The following PDK1 variants were observed in gnomAD, a reference collection of about 807,000 sequenced individuals.
PDK1 encodes the protein pyruvate dehydrogenase kinase 1.
Under a neutral mutation model 54.2 loss-of-function variants are expected in PDK1, and 39 were observed. The ratio of observed to expected loss-of-function variants is 0.72; its 90% CI spans 0.56 to 0.94. The LOEUF is 0.94. PDK1 is among the 40% of genes least tolerant of loss of function. The pLI, the probability that PDK1 is intolerant of heterozygous loss-of-function variation, is 0.00. For synonymous variants in PDK1, 221 were observed against 207.1 expected (o/e 1.07, Z -0.58); for missense variants, 552 against 566.0 (o/e 0.98, Z 0.25).
At chr2:172,685,628 G>GCATTGCATACTATAATTGAT in the PDK1 span, among the ~76,000 whole-genome samples, 1 of 152,170 alleles carries the variant, frequency 6.6e-6, no homozygotes, top group Non-Finnish European at 1.5e-5. Context: ...TGAGTGTTTA[G>GCATTGCATACTATAATTGAT]CATTGCATAC....
At chr2:172,706,565 A>G in the PDK1 span, among the ~76,000 whole-genome samples, 3 of 151,980 alleles carry the variant, frequency 2.0e-5, no homozygotes, top group Non-Finnish European at 4.4e-5. Flanking sequence ...AGCTGGGACC[A>G]TGGGCATGTG....
At chr2:172,634,929 T>G in the PDK1 span, among the ~76,000 whole-genome samples, 3 of 152,238 alleles carry the variant, frequency 2.0e-5, no homozygotes, top group African/African-American at 7.2e-5. Context: ...ATGAAGGAAC[T>G]CTTTTCAGAA....
intron 10 of PDK1, 46 bp from the exon 11 acceptor site, chr2:172,595,783 T>G: frequency 1.9e-6 from 3 of 1,553,046 alleles, no homozygotes; most frequent in Non-Finnish European, 2.6e-6. Flanking sequence ...AATAATGAAT[T>G]CTAAAAAATG....
chr2:172,681,129 G>A, the PDK1 span, among the ~76,000 whole-genome samples: 2 of 152,112 alleles, frequency 1.3e-5, no homozygotes. Flanking sequence ...TTTCTCTTTG[G>A]GAACAGTTTG....
the PDK1 span, among the ~76,000 whole-genome samples, chr2:172,615,389 C>T: frequency 0.14 from 22,006 of 152,104 alleles, 1,803 homozygotes; most frequent in African/African-American, 0.2. Context: ...TTTGGGAGGC[C>T]GAGGCGGATG....
the PDK1 span, among the ~76,000 whole-genome samples, chr2:172,678,573 A>G: frequency 6.6e-6 from 1 of 152,168 alleles, no homozygotes; most frequent in East Asian, 1.9e-4. Context: ...ACATTGCCTA[A>G]TGCTTTTTGA....
chr2:172,668,938 GAAA>G, the PDK1 span, among the ~76,000 whole-genome samples: 12 of 128,092 alleles, frequency 9.4e-5, no homozygotes, highest in East Asian at 8.9e-4. Context: ...GAGAGAGAGA[GAAA>G]GAGAGAGAGA....
At chr2:172,577,534 CTTT>C (rs1689644896) in intron 8 of PDK1, among the ~76,000 whole-genome samples, 1 of 151,914 alleles carries the variant, frequency 6.6e-6, no homozygotes, top group Non-Finnish European at 1.5e-5. Context: ...TTATCACTGT[CTTT>C]TGTTAAAATA....
the PDK1 span, among the ~76,000 whole-genome samples, chr2:172,702,946 T>G: frequency 6.6e-6 from 1 of 152,110 alleles, no homozygotes; most frequent in Non-Finnish European, 1.5e-5. Flanking sequence ...CCCCAAAATA[T>G]CAGTTCCTAA....
At chr2:172,675,575 A>G in the PDK1 span, among the ~76,000 whole-genome samples, 5 of 152,206 alleles carry the variant, frequency 3.3e-5, no homozygotes, top group Admixed American at 6.5e-5. Context: ...CTTCAATTCT[A>G]TCAAGGCTGA....
At chr2:172,695,476 A>G in the PDK1 span, among the ~76,000 whole-genome samples, 2 of 152,282 alleles carry the variant, frequency 1.3e-5, no homozygotes, top group Non-Finnish European at 2.9e-5. Context: ...AGGCTAAATA[A>G]ATTACCTGTG....
chr2:172,699,783 C>T, the PDK1 span, among the ~76,000 whole-genome samples: 28,453 of 149,140 alleles, frequency 0.19, 3,241 homozygotes, highest in African/African-American at 0.32. Context: ...TATTTATTAT[C>T]ATCCTTGGGT....
chr2:172,624,013 C>T, the PDK1 span, among the ~76,000 whole-genome samples: 1 of 152,156 alleles, frequency 6.6e-6, no homozygotes, highest in Non-Finnish European at 1.5e-5. Context: ...GTATTAGAGC[C>T]TTTCTTTCTC....
At chr2:172,582,109 C>T (rs1574506279) in intron 8 of PDK1, among the ~76,000 whole-genome samples, 1 of 152,112 alleles carries the variant, frequency 6.6e-6, no homozygotes, top group African/African-American at 2.4e-5. Flanking sequence ...GACAGAGTTT[C>T]ACCATGTTGG....
chr2:172,668,920 GAGAGAGAGAGAGAGAGAGAA>G, the PDK1 span, among the ~76,000 whole-genome samples: 22 of 145,568 alleles, frequency 1.5e-4, no homozygotes, highest in African/African-American at 3.7e-4. Flanking sequence ...GAGAGAGAGA[GAGAGAGAGAGAGAGAGAGAA>G]AGAGAGAGAG....
At chr2:172,624,988 C>CAA in the PDK1 span, among the ~76,000 whole-genome samples, 2 of 138,582 alleles carry the variant, frequency 1.4e-5, no homozygotes, top group Non-Finnish European at 3.2e-5. Context: ...AACTCCATCT[C>CAA]AAAAAAAAAA....
the PDK1 span, among the ~76,000 whole-genome samples, chr2:172,647,165 G>C: frequency 3.3e-5 from 5 of 152,116 alleles, no homozygotes; most frequent in African/African-American, 1.2e-4. Flanking sequence ...AAACATGGAC[G>C]AGCTTCAGAA....
At chr2:172,608,949 G>A (rs1366218742), downstream of PDK1, among the ~76,000 whole-genome samples, 2 of 152,086 alleles carry the variant, frequency 1.3e-5, no homozygotes, top group South Asian at 2.1e-4. Flanking sequence ...ACATTAAATT[G>A]TATAATTCTG....
the PDK1 span, among the ~76,000 whole-genome samples, chr2:172,663,931 G>A: frequency 6.7e-6 from 1 of 150,134 alleles, no homozygotes; most frequent in East Asian, 2.0e-4. Context: ...CTCCTAAATA[G>A]CTGGGACCAC....
Sources: allele counts gnomAD v4.1 joint callset (sites outside exome capture counted in the v4.1 genomes callset), GRCh38; gene constraint gnomAD v4.1.1; transcripts MANE v1.5; gene names NCBI Gene and HGNC (gene_info 2026-07-23, HGNC 2026-07-21).